The following CMKLR2 variants were observed in gnomAD, a reference collection of about 807,000 sequenced individuals.
CMKLR2 encodes the protein chemerin-like receptor 2.
CMKLR2 carries 18 observed loss-of-function variants against 23.0 expected under a neutral mutation model. The ratio of observed to expected loss-of-function variants is 0.78; its 90% confidence interval spans 0.54 to 1.16. The LOEUF (loss-of-function observed/expected upper bound fraction) is 1.16, where lower values mean the gene tolerates loss of function less well. CMKLR2 is among the 50% of genes most tolerant of loss of function. CMKLR2 has a pLI of 0.00. For synonymous variants in CMKLR2, 158 were observed against 158.9 expected (o/e 0.99, Z 0.05); for missense variants, 401 against 412.7 (o/e 0.97, Z 0.25).
intron 1 of CMKLR2, among the ~76,000 whole-genome samples, chr2:206,210,512 G>T (rs1367691562): frequency 2.6e-5 from 4 of 151,000 alleles, no homozygotes; most frequent in African/African-American, 9.7e-5. Flanking sequence ...AGGCTGGAGT[G>T]CAATGGCACA....
At chr2:206,201,616 C>T (rs1006623259) in intron 1 of CMKLR2, among the ~76,000 whole-genome samples, 1 of 151,870 alleles carries the variant, frequency 6.6e-6, no homozygotes, top group Non-Finnish European at 1.5e-5. Flanking sequence ...TCTCCTTGAC[C>T]TTGAGCTCCA....
At chr2:206,186,981 A>G (rs1688600372) in intron 1 of CMKLR2, among the ~76,000 whole-genome samples, 1 of 152,030 alleles carries the variant, frequency 6.6e-6, no homozygotes, top group African/African-American at 2.4e-5. Flanking sequence ...TGAGCCCAGG[A>G]GTTCAAGACC....
At chr2:206,216,693 C>T (rs927724115), upstream of CMKLR2, among the ~76,000 whole-genome samples, 1 of 152,160 alleles carries the variant, frequency 6.6e-6, no homozygotes, top group African/African-American at 2.4e-5. Flanking sequence ...ACTAGGATCT[C>T]CCATTTCATA....
intron 1 of CMKLR2, among the ~76,000 whole-genome samples, chr2:206,188,783 A>T (rs1688661367): frequency 6.6e-6 from 1 of 152,194 alleles, no homozygotes; most frequent in Non-Finnish European, 1.5e-5. Flanking sequence ...CTACCTATTG[A>T]ATTAAACAAT....
chr2:206,216,181 C>T (rs370619093), upstream of CMKLR2, among the ~76,000 whole-genome samples: 4 of 152,034 alleles, frequency 2.6e-5, no homozygotes, highest in East Asian at 1.9e-4. Context: ...GAGCTGGGTG[C>T]GGTGGCTCAT....
At chr2:206,209,709 C>T (rs1162690501) in intron 1 of CMKLR2, among the ~76,000 whole-genome samples, 1 of 148,316 alleles carries the variant, frequency 6.7e-6, no homozygotes, top group South Asian at 2.1e-4. Flanking sequence ...AGTGCAGTGG[C>T]ATGATCTCGG....
chr2:206,196,575 C>T (rs1688929797), intron 1 of CMKLR2, among the ~76,000 whole-genome samples: 1 of 152,140 alleles, frequency 6.6e-6, no homozygotes, highest in African/African-American at 2.4e-5. Flanking sequence ...CAGAACGATG[C>T]ATGGAAAAGA....
At chr2:206,190,500 C>T (rs1216370305) in intron 1 of CMKLR2, among the ~76,000 whole-genome samples, 1 of 152,068 alleles carries the variant, frequency 6.6e-6, no homozygotes, top group Non-Finnish European at 1.5e-5. Context: ...GATGGAAGGT[C>T]CTTAGACAGT....
At chr2:206,211,677 C>T (rs983346295) in intron 1 of CMKLR2, among the ~76,000 whole-genome samples, 22 of 151,332 alleles carry the variant, frequency 1.5e-4, no homozygotes, top group African/African-American at 5.4e-4. Flanking sequence ...CTTGTTTTCC[C>T]GTAAGTGCCC....
At chr2:206,201,787 G>T (rs149640669) in intron 1 of CMKLR2, among the ~76,000 whole-genome samples, 1 of 152,186 alleles carries the variant, frequency 6.6e-6, no homozygotes, top group Non-Finnish European at 1.5e-5. Flanking sequence ...CAGTTTAAGA[G>T]AAACAATGAT....
At chr2:206,190,856 T>C (rs1050487881) in intron 1 of CMKLR2, among the ~76,000 whole-genome samples, 1 of 152,214 alleles carries the variant, frequency 6.6e-6, no homozygotes, top group Admixed American at 6.5e-5. Context: ...TGCTTCACTT[T>C]GACAGTTTGA....
At chr2:206,198,167 T>C (rs1688979497) in intron 1 of CMKLR2, among the ~76,000 whole-genome samples, 1 of 152,234 alleles carries the variant, frequency 6.6e-6, no homozygotes, top group African/African-American at 2.4e-5. Context: ...TTTCCATTAA[T>C]TTTAATTACT....
chr2:206,208,825 C>T (rs1387100430), intron 1 of CMKLR2, among the ~76,000 whole-genome samples: 1 of 151,968 alleles, frequency 6.6e-6, no homozygotes, highest in Non-Finnish European at 1.5e-5. Flanking sequence ...CATGCACTAC[C>T]ATGCCTGGCT....
chr2:206,181,951 C>CAAAAA (rs34520665), intron 1 of CMKLR2, among the ~76,000 whole-genome samples: 3 of 68,586 alleles, frequency 4.4e-5, no homozygotes, highest in African/African-American at 1.8e-4. Context: ...AACTCCACCT[C>CAAAAA]AAAAAAAAAA....
Position 206,209,574 on chromosome 2 carries a change from C to T in CMKLR2, c.-29+3733G>A, listed in dbSNP as rs113282272. ...TGCCCCCAGTGTGTTGTTACCCCCA[C>T]GTGTCCATGTGTTCTCATCATTCAG... On this transcript the variant is annotated intron_variant, in intron 1 of 1. Coordinates refer to ENST00000621141, the MANE Select transcript of CMKLR2 (RefSeq NM_001389445.1). Among the ~76,000 whole-genome samples, 631 of 151,862 alleles carry T rather than the reference C, an allele frequency of 4.2e-3. 2 individuals carry two copies. Among genetic ancestry groups the T allele is most frequent in the African/African-American group, 0.014 (588 of 41,320 alleles).
chr2:206,186,788 CTTTT>C (rs532845990), intron 1 of CMKLR2, among the ~76,000 whole-genome samples: 3 of 129,420 alleles, frequency 2.3e-5, no homozygotes, highest in African/African-American at 5.7e-5. Flanking sequence ...ACTCTGCTGC[CTTTT>C]TTTTTTTTTT....
At chr2:206,199,384 AG>A (rs541027553) in intron 1 of CMKLR2, among the ~76,000 whole-genome samples, 123 of 152,206 alleles carry the variant, frequency 8.1e-4, no homozygotes, top group African/African-American at 2.8e-3. Flanking sequence ...TGGGCAACAG[AG>A]TGAGACTGTC....
intron 1 of CMKLR2, among the ~76,000 whole-genome samples, chr2:206,196,081 G>T (rs561823528): frequency 1.3e-5 from 2 of 150,274 alleles, no homozygotes; most frequent in Non-Finnish European, 3.0e-5. Context: ...TTCTTCAAAA[G>T]TGCTTAAACC....
intron 1 of CMKLR2, among the ~76,000 whole-genome samples, chr2:206,191,909 C>T (rs989943349): frequency 6.7e-5 from 10 of 149,280 alleles, no homozygotes; most frequent in African/African-American, 1.5e-4. Context: ...GGCGCGATCT[C>T]GGTTCACTGC....
Sources: allele counts gnomAD v4.1 joint callset (sites outside exome capture counted in the v4.1 genomes callset), GRCh38; gene constraint gnomAD v4.1.1; transcripts MANE v1.5; gene names NCBI Gene and HGNC (gene_info 2026-07-23, HGNC 2026-07-21).